The following RAPGEF4 variants were observed in gnomAD, a reference collection of about 807,000 sequenced individuals.
RAPGEF4 encodes the protein RAP guanine-nucleotide-exchange factor (GEF) 4.
A neutral mutation model predicts 147.9 loss-of-function variants in RAPGEF4; 66 were observed. The ratio of observed to expected loss-of-function variants is 0.45; its 90% CI spans 0.37 to 0.55. RAPGEF4 has a LOEUF of 0.55. RAPGEF4 is among the 20% of genes least tolerant of loss of function. The pLI is 0.00. For missense variants in RAPGEF4, 1,071 were observed against 1,257.3 expected (o/e 0.85, Z 2.24); for synonymous variants, 419 against 442.7 (o/e 0.95, Z 0.67).
At chr2:173,020,432 T>C (rs1695968994) in intron 22 of RAPGEF4, among the ~76,000 whole-genome samples, 186 bp from the exon 23 acceptor site, 1 of 152,230 alleles carries the variant, frequency 6.6e-6, no homozygotes, top group Non-Finnish European at 1.5e-5. Context: ...GAAGGCATCC[T>C]GAGTGGCGCA....
intron 3 of RAPGEF4, among the ~76,000 whole-genome samples, chr2:172,812,203 G>A (rs966229414): frequency 6.6e-6 from 1 of 152,192 alleles, no homozygotes; most frequent in African/African-American, 2.4e-5. Context: ...GTGTGAAAGA[G>A]AAGATCTGGA....
intron 1 of RAPGEF4, among the ~76,000 whole-genome samples, chr2:172,785,324 A>G (rs1227259057): frequency 2.0e-5 from 3 of 152,226 alleles, no homozygotes; most frequent in African/African-American, 4.8e-5. Flanking sequence ...AAAGGCATGG[A>G]AAAATTTTAG....
At chr2:172,974,316 G>C (rs926189364) in intron 10 of RAPGEF4, among the ~76,000 whole-genome samples, 4 of 152,072 alleles carry the variant, frequency 2.6e-5, no homozygotes, top group African/African-American at 9.7e-5. Context: ...CGTCCAAAGG[G>C]GCTTCAGAAT....
At chr2:173,028,061 T>C (rs906975422) in intron 25 of RAPGEF4, among the ~76,000 whole-genome samples, 8 of 152,180 alleles carry the variant, frequency 5.3e-5, no homozygotes, top group African/African-American at 1.9e-4. Flanking sequence ...AAATCAAACA[T>C]GGAGTTTGAT....
chr2:172,752,639 T>A (rs139399743), intron 1 of RAPGEF4, among the ~76,000 whole-genome samples: 299 of 152,280 alleles, frequency 2.0e-3, no homozygotes, highest in Non-Finnish European at 3.2e-3. Flanking sequence ...CTAGATTAGG[T>A]GTCCTTGTTT....
intron 19 of RAPGEF4, among the ~76,000 whole-genome samples, chr2:173,016,825 A>T (rs1695550947): frequency 6.6e-6 from 1 of 152,202 alleles, no homozygotes; most frequent in Non-Finnish European, 1.5e-5. Context: ...TTGGTGGTGA[A>T]TATTTGTGTC....
At chr2:173,037,811 A>G (rs1232220746) in intron 29 of RAPGEF4, among the ~76,000 whole-genome samples, 1 of 152,184 alleles carries the variant, frequency 6.6e-6, no homozygotes, top group Non-Finnish European at 1.5e-5. Flanking sequence ...GGTTTCCCCA[A>G]CAGAAAATGG....
chr2:172,816,245 T>C (rs891029401), intron 4 of RAPGEF4, among the ~76,000 whole-genome samples: 1 of 152,122 alleles, frequency 6.6e-6, no homozygotes, highest in African/African-American at 2.4e-5. Flanking sequence ...TTGATTGTTA[T>C]ATCTAAGTCT....
chr2:172,968,557 A>G (rs1690110803), intron 10 of RAPGEF4, among the ~76,000 whole-genome samples: 1 of 152,046 alleles, frequency 6.6e-6, no homozygotes, highest in African/African-American at 2.4e-5. Context: ...TGACTCTCCC[A>G]CACCATGTGT....
intron 3 of RAPGEF4, among the ~76,000 whole-genome samples, chr2:172,810,579 AAG>A (rs1364638678): frequency 6.6e-6 from 1 of 152,186 alleles, no homozygotes; most frequent in African/African-American, 2.4e-5. Flanking sequence ...TTGGAGGAAA[AAG>A]CCAGATGGCG....
chr2:172,744,341 G>A, intron 1 of RAPGEF4: 1 of 453,794 alleles, frequency 2.2e-6, no homozygotes, highest in Non-Finnish European at 4.4e-6. Context: ...ATGTGATCTT[G>A]GCCAAGTTAT....
intron 10 of RAPGEF4, among the ~76,000 whole-genome samples, chr2:172,981,612 A>C (rs966801233): frequency 6.6e-6 from 1 of 152,190 alleles, no homozygotes; most frequent in Non-Finnish European, 1.5e-5. Context: ...ATCTGTCTTT[A>C]TACAGTCAGG....
intron 1 of RAPGEF4, among the ~76,000 whole-genome samples, chr2:172,777,553 C>T (rs988446648): frequency 6.6e-6 from 1 of 152,150 alleles, no homozygotes; most frequent in African/African-American, 2.4e-5. Context: ...TATTGGTCTA[C>T]ACATGTGCAG....
chr2:172,742,547 A>G (rs1005448726), intron 1 of RAPGEF4, among the ~76,000 whole-genome samples: 1 of 152,330 alleles, frequency 6.6e-6, no homozygotes, highest in Non-Finnish European at 1.5e-5. Flanking sequence ...TATAATGTCA[A>G]GTGATCTCTT....
At chr2:172,854,242 G>T (rs1296712297) in intron 4 of RAPGEF4, among the ~76,000 whole-genome samples, 1 of 151,264 alleles carries the variant, frequency 6.6e-6, no homozygotes, top group African/African-American at 2.4e-5. Flanking sequence ...TTAATTTTTT[G>T]CTTTTTAACA....
intron 3 of RAPGEF4, among the ~76,000 whole-genome samples, chr2:172,802,863 C>T (rs569038497): frequency 4.8e-4 from 73 of 152,322 alleles, no homozygotes; most frequent in African/African-American, 1.5e-3. Context: ...AAAACAAAGG[C>T]TACAGGCCCC....
chr2:172,798,672 A>G (rs562742063), intron 3 of RAPGEF4, among the ~76,000 whole-genome samples: 5 of 107,174 alleles, frequency 4.7e-5, no homozygotes, highest in African/African-American at 6.6e-5. Flanking sequence ...TTCAAATGTG[A>G]GAAACATTTA....
At chr2:172,771,187 A>T (rs1478579977) in intron 1 of RAPGEF4, among the ~76,000 whole-genome samples, 1 of 152,124 alleles carries the variant, frequency 6.6e-6, no homozygotes, top group Non-Finnish European at 1.5e-5. Context: ...TCCAAGCTCA[A>T]GGTGCCAGCA....
chr2:172,808,211 C>T (rs571268977), intron 3 of RAPGEF4, among the ~76,000 whole-genome samples: 2 of 152,186 alleles, frequency 1.3e-5, no homozygotes, highest in African/African-American at 2.4e-5. Flanking sequence ...TACAATGAAA[C>T]AAATAAAACG....
Sources: gnomAD v4.1 joint callset for allele counts (sites outside exome capture counted in the v4.1 genomes callset) on GRCh38, gnomAD v4.1.1 for gene constraint, MANE v1.5 for transcripts, NCBI Gene and HGNC (gene_info 2026-07-23, HGNC 2026-07-21) for gene names.